ELF2: variants seen among roughly 807,000 people sequenced by gnomAD.
ELF2 encodes the protein E74 like ETS transcription factor 2, also known as ETS-related transcription factor Elf-2.
A neutral mutation model predicts 54.8 loss-of-function variants in ELF2; 11 were observed. The ratio of observed to expected loss-of-function variants is 0.20; its 90% CI spans 0.13 to 0.33. The LOEUF (loss-of-function observed/expected upper bound fraction) is 0.33. Among genes scored for constraint, ELF2 ranks in the 10% least tolerant of loss-of-function variants. ELF2 has a pLI of 1.00. For missense variants in ELF2, 513 were observed against 703.0 expected, an observed-to-expected ratio of 0.73 and a Z score of 3.06; for synonymous variants, 203 against 245.1, an observed-to-expected ratio of 0.83 and a Z score of 1.61.
At chr4:139,168,610 A>G (rs1413849669) in intron 1 of ELF2, among the ~76,000 whole-genome samples, 3 of 152,200 alleles carry the variant, frequency 2.0e-5, no homozygotes, top group Non-Finnish European at 4.4e-5. Context: ...TAGTTTGACA[A>G]GCACTCCCTC....
At position 139,100,876 on chromosome 4, in the gene ELF2, A is replaced by G. The variant is rs1206402613; in HGVS notation, c.238+24288T>C. On this transcript the variant is annotated intron_variant, in intron 4 of 9. Coordinates refer to ENST00000686138, the MANE Select transcript of ELF2 (RefSeq NM_001331036.3). ...ATAGATTGCTGGGGGTAGGAGGAGG[A>G]GGCAATAATGAAAACAGGCTGATTA... Among the ~76,000 whole-genome samples the G allele has an allele frequency of 2.6e-5, 4 of 152,154 alleles. No homozygotes were observed. The East Asian group carries it at 7.7e-4, about 29-fold the overall frequency.
At chr4:139,177,272 G>A (rs1374433302), upstream of ELF2, 7 of 121,362 alleles carry the variant, frequency 5.8e-5, no homozygotes, top group African/African-American at 1.5e-4. Context: ...CCCCGCCTCG[G>A]CTCCTCCCCC....
chr4:139,166,073 C>G (rs1278478306), intron 1 of ELF2, among the ~76,000 whole-genome samples: 1 of 152,210 alleles, frequency 6.6e-6, no homozygotes, highest in African/African-American at 2.4e-5. Context: ...CATGGTGGCT[C>G]ACGCCTGTAA....
At chr4:139,170,587 C>T (rs1742194546) in intron 1 of ELF2, among the ~76,000 whole-genome samples, 1 of 150,506 alleles carries the variant, frequency 6.6e-6, no homozygotes, top group African/African-American at 2.4e-5. Flanking sequence ...AATGAAAAGA[C>T]CAGCAACAGA....
At chr4:139,089,854 A>AATTAC (rs1397775103) in intron 4 of ELF2, among the ~76,000 whole-genome samples, 3 of 152,238 alleles carry the variant, frequency 2.0e-5, no homozygotes. Context: ...CTGCAAAAAA[A>AATTAC]ATTACATTTT....
At chr4:139,061,193 T>C (rs540639543) in intron 8 of ELF2, among the ~76,000 whole-genome samples, 1 of 151,650 alleles carries the variant, frequency 6.6e-6, no homozygotes, top group African/African-American at 2.4e-5. Context: ...TTTTTTTTTT[T>C]TTTGAGAGTC....
intron 1 of ELF2, among the ~76,000 whole-genome samples, chr4:139,152,952 G>A (rs1740170425): frequency 2.1e-5 from 3 of 140,226 alleles, no homozygotes; most frequent in East Asian, 2.1e-4. Context: ...CTGAAGTGCA[G>A]TGGTGCAATC....
At chr4:139,091,818 A>T (rs1481334127) in intron 4 of ELF2, among the ~76,000 whole-genome samples, 1 of 151,970 alleles carries the variant, frequency 6.6e-6, no homozygotes, top group East Asian at 1.9e-4. Context: ...AGATTCACAA[A>T]ACCAGAAGAT....
upstream of ELF2, among the ~76,000 whole-genome samples, chr4:139,177,740 A>T (rs1040073313): frequency 6.0e-5 from 9 of 149,686 alleles, no homozygotes; most frequent in African/African-American, 2.2e-4. Flanking sequence ...CACCCTCGCC[A>T]CTCAGGGCCC....
chr4:139,173,757 C>CAAA (rs1195159962), intron 1 of ELF2, among the ~76,000 whole-genome samples: 3 of 47,574 alleles, frequency 6.3e-5, no homozygotes, highest in African/African-American at 2.3e-4. Flanking sequence ...GACTCCGTCT[C>CAAA]AAAAAAAAAA....
chr4:139,118,350 G>T (rs577873603), intron 4 of ELF2, among the ~76,000 whole-genome samples: 6 of 152,200 alleles, frequency 3.9e-5, no homozygotes, highest in Non-Finnish European at 8.8e-5. Flanking sequence ...AAATCTTCAT[G>T]TAGTTGGGCC....
At chr4:139,083,700 G>C (rs1731513010) in intron 4 of ELF2, among the ~76,000 whole-genome samples, 4 of 152,220 alleles carry the variant, frequency 2.6e-5, no homozygotes, top group African/African-American at 9.6e-5. Flanking sequence ...CCCCGAACGC[G>C]GGCAGCAGCG....
intron 4 of ELF2, among the ~76,000 whole-genome samples, chr4:139,102,995 C>T (rs1401093655): frequency 6.6e-6 from 1 of 152,172 alleles, no homozygotes; most frequent in African/African-American, 2.4e-5. Flanking sequence ...CTGCCCACCT[C>T]AGCCTCCAAG....
At position 139,139,548 on chromosome 4, in the gene ELF2, G is replaced by C. The variant is rs568900930; in HGVS notation, c.-251-51C>G. 5 of 1,003,996 alleles carry C rather than the reference G, an allele frequency of 5.0e-6. No individual in the cohort carries two copies. The African/African-American group carries it at 8.4e-5, about 17-fold the overall frequency. 62.2% of individuals were successfully genotyped at this position (1,003,996 alleles called of 1,614,324 possible). ...AATATTAATATAATTATATTAAAAA[G>C]CACTATGCTCAAACAGATGTGATTG... On this transcript the variant is annotated intron_variant, in intron 1 of 9. Transcript: ENST00000686138.
chr4:139,116,992 C>T (rs777764204), intron 4 of ELF2, among the ~76,000 whole-genome samples: 13 of 152,274 alleles, frequency 8.5e-5, no homozygotes, highest in East Asian at 1.9e-4. Context: ...ACTGCTTTCT[C>T]GTTGAATTAT....
intron 7 of ELF2, among the ~76,000 whole-genome samples, chr4:139,065,313 C>CA (rs893314891): frequency 1.5e-4 from 23 of 151,994 alleles, no homozygotes; most frequent in Middle Eastern, 3.2e-3. Context: ...CCCGTCTCTA[C>CA]AAAAAATTTT....
rs185191913 is a variant in ELF2 at position 139,170,140 on chromosome 4, T to G, written c.-252+6827A>C. ...TCTAGAAAGCAGAAAAATCTCAAGA[T>G]CTTGGATTAGGCAGAGTTCTTACAT... On this transcript the variant is annotated intron_variant, in intron 1 of 9. Coordinates refer to ENST00000686138, the MANE Select transcript of ELF2 (RefSeq NM_001331036.3). 3.6e-3 allele frequency among the ~76,000 whole-genome samples: 550 copies of G among 152,034 alleles called. 4 individuals are homozygous for G. Among genetic ancestry groups the G allele is most frequent in the Non-Finnish European group, 3.6e-3 (244 of 67,984 alleles).
chr4:139,111,195 A>T, intron 4 of ELF2, among the ~76,000 whole-genome samples: 1 of 152,170 alleles, frequency 6.6e-6, no homozygotes, highest in East Asian at 1.9e-4. Flanking sequence ...ACTGTCGATG[A>T]TGCCAGTGGA....
chr4:139,082,701 G>C (rs1378139312), intron 4 of ELF2, among the ~76,000 whole-genome samples: 3 of 152,152 alleles, frequency 2.0e-5, no homozygotes, highest in African/African-American at 7.2e-5. Context: ...ATGGATGGAA[G>C]ACTGTTAAGA....
Sources: gnomAD v4.1 joint callset for allele counts (sites outside exome capture counted in the v4.1 genomes callset) on GRCh38, gnomAD v4.1.1 for gene constraint, MANE v1.5 for transcripts, NCBI Gene and HGNC (gene_info 2026-07-23, HGNC 2026-07-21) for gene names.